Variants in DDAH1 observed in about 807,000 individuals in gnomAD.
DDAH1 encodes the protein N(G),N(G)-dimethylarginine dimethylaminohydrolase 1.
DDAH1 carries 19 observed loss-of-function variants against 28.8 expected under a neutral mutation model. The observed-to-expected ratio is 0.66, with a 90% confidence interval of 0.46 to 0.97. DDAH1 has a LOEUF of 0.97. Among genes scored for constraint, DDAH1 ranks in the 50% least tolerant of loss-of-function variants. The pLI is 0.00. For synonymous variants in DDAH1, 153 were observed against 154.4 expected (o/e 0.99, Z 0.07); for missense variants, 326 against 375.9 (o/e 0.87, Z 1.10).
At chr1:85,411,044 A>G (rs1185791990) in intron 1 of DDAH1, among the ~76,000 whole-genome samples, 1 of 152,076 alleles carries the variant, frequency 6.6e-6, no homozygotes, top group East Asian at 1.9e-4. Context: ...TTGAGACCCA[A>G]CTCTACCCAA....
At chr1:85,331,387 T>C (rs1348110239) in intron 4 of DDAH1, among the ~76,000 whole-genome samples, 1 of 149,516 alleles carries the variant, frequency 6.7e-6, no homozygotes, top group African/African-American at 2.4e-5. Flanking sequence ...AAGCACATTT[T>C]TGGGTCACTC....
chr1:85,535,211 T>G (rs1247084799), intron 1 of DDAH1, among the ~76,000 whole-genome samples: 1 of 152,180 alleles, frequency 6.6e-6, no homozygotes, highest in Non-Finnish European at 1.5e-5. Context: ...ACGTGGGGCA[T>G]AAAATAAAAC....
chr1:85,538,118 T>C (rs1162035740), intron 1 of DDAH1, among the ~76,000 whole-genome samples: 11 of 152,164 alleles, frequency 7.2e-5, no homozygotes, highest in Non-Finnish European at 1.3e-4. Flanking sequence ...TGATGTATAA[T>C]ACATTATCAC....
intron 1 of DDAH1, among the ~76,000 whole-genome samples, chr1:85,439,513 C>A (rs1329724897): frequency 6.6e-6 from 1 of 152,220 alleles, no homozygotes; most frequent in Non-Finnish European, 1.5e-5. Context: ...GCACATTATA[C>A]GTATCATCAG....
chr1:85,426,804 T>G (rs1381464427), intron 1 of DDAH1, among the ~76,000 whole-genome samples: 1 of 149,796 alleles, frequency 6.7e-6, no homozygotes, highest in Non-Finnish European at 1.5e-5. Context: ...CCTAGCTACT[T>G]GGGAGGCTGA....
At chr1:85,346,814 C>T (rs1570408798) in intron 4 of DDAH1, among the ~76,000 whole-genome samples, 1 of 152,130 alleles carries the variant, frequency 6.6e-6, no homozygotes, top group East Asian at 1.9e-4. Context: ...AAACTATCAT[C>T]GGAGTGAACA....
intron 1 of DDAH1, among the ~76,000 whole-genome samples, chr1:85,563,042 T>C (rs1233102132): frequency 6.6e-6 from 1 of 152,084 alleles, no homozygotes; most frequent in Admixed American, 6.5e-5. Context: ...AGTGGGGAAA[T>C]AAGACAAGAC....
chr1:85,514,731 T>C (rs1161380455), intron 1 of DDAH1, among the ~76,000 whole-genome samples: 4 of 151,870 alleles, frequency 2.6e-5, no homozygotes, highest in Non-Finnish European at 4.4e-5. Context: ...ATTCAAACTG[T>C]CCAAACTTTG....
intron 2 of DDAH1, among the ~76,000 whole-genome samples, chr1:85,486,159 T>C (rs190419870): frequency 5.9e-5 from 9 of 152,298 alleles, no homozygotes; most frequent in Admixed American, 3.3e-4. Flanking sequence ...TTCATAGATA[T>C]GGAACTTACT....
At chr1:85,392,942 G>C (rs534452865) in intron 1 of DDAH1, among the ~76,000 whole-genome samples, 1 of 152,062 alleles carries the variant, frequency 6.6e-6, no homozygotes, top group African/African-American at 2.4e-5. Flanking sequence ...TGACTTCATG[G>C]GGACTGATGT....
intron 1 of DDAH1, among the ~76,000 whole-genome samples, chr1:85,560,335 T>C (rs1659103124): frequency 6.6e-6 from 1 of 152,114 alleles, no homozygotes; most frequent in African/African-American, 2.4e-5. Context: ...GAAGTTCCTC[T>C]AGTAAAAGAA....
intron 1 of DDAH1, among the ~76,000 whole-genome samples, chr1:85,572,700 T>C (rs969367058): frequency 1.3e-5 from 2 of 152,214 alleles, no homozygotes; most frequent in African/African-American, 4.8e-5. Context: ...GGCATGGCAT[T>C]TTTTACCTCT....
chr1:85,428,361 C>G (rs1653508382), intron 1 of DDAH1, among the ~76,000 whole-genome samples: 1 of 152,166 alleles, frequency 6.6e-6, no homozygotes, highest in Non-Finnish European at 1.5e-5. Context: ...TCATGTCTTA[C>G]ATGGTGGCAG....
rs538598497 is a variant in DDAH1, at chr1:85,461,661, T to C, written c.303+3082A>G. Among the ~76,000 whole-genome samples the C allele has an allele frequency of 3.3e-5, 5 of 152,344 alleles. No individual in the cohort carries two copies. In the South Asian group the frequency reaches 8.3e-4, roughly 25 times the overall value. On this transcript the variant is annotated intron_variant, in intron 1 of 5. Coordinates refer to ENST00000284031, the MANE Select transcript of DDAH1 (RefSeq NM_012137.4). Reference sequence around the variant, plus strand: ...GGTTAATCTAAAATAATGAGAACACTTGTTCAACAAAATATTTGCTACATG... The same window carrying C: ...GGTTAATCTAAAATAATGAGAACACCTGTTCAACAAAATATTTGCTACATG...
At chr1:85,373,798 T>C (rs978630221) in intron 1 of DDAH1, among the ~76,000 whole-genome samples, 1 of 152,172 alleles carries the variant, frequency 6.6e-6, no homozygotes, top group African/African-American at 2.4e-5. Flanking sequence ...TGGGTAAATT[T>C]AGCAGTTAAA....
At chr1:85,509,307 A>G (rs902827303) in intron 1 of DDAH1, among the ~76,000 whole-genome samples, 1 of 152,218 alleles carries the variant, frequency 6.6e-6, no homozygotes, top group African/African-American at 2.4e-5. Flanking sequence ...AACATCAACA[A>G]AAAGGTCATC....
rs925934906 is a variant in DDAH1, at chr1:85,404,604, G to A, written c.304-45757C>T. 2.5e-6 allele frequency: 3 copies of A among 1,198,232 alleles called. No homozygotes were observed. In the African/African-American group the frequency reaches 4.7e-5, roughly 19 times the overall value. 74.2% of individuals were successfully genotyped at this position (1,198,232 alleles called of 1,614,324 possible). ...TCTTGTGGGAATACAGAGCATGTCT[G>A]CTGAAACCGAATCCAAGAGTTCAAT... On this transcript the variant is annotated intron_variant, in intron 1 of 5. Coordinates refer to ENST00000284031, the MANE Select transcript of DDAH1 (RefSeq NM_012137.4).
At chr1:85,375,296 A>G (rs981039426) in intron 1 of DDAH1, among the ~76,000 whole-genome samples, 1 of 152,090 alleles carries the variant, frequency 6.6e-6, no homozygotes, top group African/African-American at 2.4e-5. Flanking sequence ...TTCTCTGTGG[A>G]TATACAGAGC....
At chr1:85,321,636 TCAATTTGATTTGTAC>T (rs1661349833) in intron 5 of DDAH1, 68 bp from the exon 6 acceptor site, 1 of 1,236,936 alleles carries the variant, frequency 8.1e-7, no homozygotes, top group Non-Finnish European at 1.2e-6. Flanking sequence ...AAGTGGAGAA[TCAATTTGATTTGTAC>T]ATCTAGGCTT....
Sources: allele counts gnomAD v4.1 joint callset (sites outside exome capture counted in the v4.1 genomes callset), GRCh38; gene constraint gnomAD v4.1.1; transcripts MANE v1.5; gene names NCBI Gene and HGNC (gene_info 2026-07-23, HGNC 2026-07-21).